RLN1: variants seen among roughly 807,000 people sequenced by gnomAD.
RLN1 encodes relaxin 1, also known as prorelaxin H1.
RLN1 carries 4 observed loss-of-function variants against 7.2 expected under a neutral mutation model. The observed-to-expected ratio is 0.56, with a 90% confidence interval of 0.28 to 1.28. The LOEUF (loss-of-function observed/expected upper bound fraction) is 1.28, where lower values mean the gene tolerates loss of function less well. Among genes scored for constraint, RLN1 ranks in the 50% most tolerant of loss-of-function variants. The pLI, the probability that RLN1 is intolerant of heterozygous loss-of-function variation, is 0.11. For missense variants in RLN1, 293 were observed against 221.1 expected (o/e 1.32, Z -2.06); for synonymous variants, 105 against 86.0 (o/e 1.22, Z -1.22).
chr9:5,335,595 T>C lies in RLN1; in HGVS notation c.214A>G (p.Ile72Val). ...TCTTTGTTGATGAAGGATGGTACAATTTCTGTTAAGTTTAAAAAAAAAGTG... is the reference window on the plus strand; with the variant it reads ...TCTTTGTTGATGAAGGATGGTACAACTTCTGTTAAGTTTAAAAAAAAAGTG... ...APQTPRPVAE[I>V]VPSFINKDTE... Residue 72 changes from isoleucine to valine, a missense_variant and splice_region_variant, in exon 2 of 2, where the codon ATT becomes GTT. Physicochemically the swap from Ile to Val is conservative, Grantham distance 29. Transcript: ENST00000223862. 6.3e-7 allele frequency: 1 copy of C among 1,592,480 alleles called. No individual in the cohort carries two copies. Among genetic ancestry groups the C allele is most frequent in the Non-Finnish European group, 8.6e-7 (1 of 1,166,038 alleles).
intron 1 of RLN1, among the ~76,000 whole-genome samples, chr9:5,336,753 T>C (rs1816902584): frequency 6.6e-6 from 1 of 151,904 alleles, no homozygotes; most frequent in South Asian, 2.1e-4. Flanking sequence ...AACTATCCAA[T>C]ACCAAGGCAT....
upstream of RLN1, among the ~76,000 whole-genome samples, chr9:5,340,498 G>A (rs772492931): frequency 6.6e-6 from 1 of 152,018 alleles, no homozygotes; most frequent in Non-Finnish European, 1.5e-5. Context: ...TATGTCTCTG[G>A]AGACTGGAGA....
At chr9:5,336,893 T>C (rs181233922) in intron 1 of RLN1, among the ~76,000 whole-genome samples, 2 of 152,128 alleles carry the variant, frequency 1.3e-5, no homozygotes, top group East Asian at 3.9e-4. Context: ...GCGGTAGTTC[T>C]GGGGCTGATC....
rs770445540 is a variant in RLN1 at position 5,339,523 on chromosome 9, C to T, written c.211+13G>A. 3 of 1,534,490 alleles carry T rather than the reference C, an allele frequency of 2.0e-6. No homozygotes were observed. Among genetic ancestry groups the T allele is most frequent in the East Asian group, 2.4e-5 (1 of 42,180 alleles). ...GAAGCGCGGGAAGGCCGGGAGGGGG[C>T]GGGAGCTCTCACCTGCCACTGGTCT... On this transcript the variant is annotated intron_variant, in intron 1 of 1. Coordinates refer to ENST00000223862, the MANE Select transcript of RLN1 (RefSeq NM_006911.4).
At position 5,339,758 on chromosome 9, in the gene RLN1, T is replaced by C. The variant is rs748011986; in HGVS notation, c.-12A>G. On this transcript the variant is annotated 5_prime_UTR_variant, in exon 1 of 2. Coordinates refer to ENST00000223862, the MANE Select transcript of RLN1 (RefSeq NM_006911.4). ...AACAGGCGAGGCATCCTGGGCCTGG[T>C]CTCTCCTGGAGGTCTGGGTGTTGCA... is the stretch of plus-strand genomic sequence containing the variant. 1 of 1,613,514 alleles carries C rather than the reference T, an allele frequency of 6.2e-7. No individual in the cohort carries two copies. The highest frequency in any genetic ancestry group is 8.5e-7 in the Non-Finnish European group (1 of 1,179,870).
upstream of RLN1, among the ~76,000 whole-genome samples, chr9:5,340,192 A>G (rs1195292053): frequency 1.3e-5 from 2 of 152,188 alleles, no homozygotes; most frequent in African/African-American, 4.8e-5. Flanking sequence ...AAACCCTTCT[A>G]ACCTAAATAG....
At position 5,335,471 on chromosome 9, in the gene RLN1, T is replaced by C. The variant is rs763648751; in HGVS notation, c.338A>G (p.Gln113Arg). Residue 113 changes from glutamine (Q) to arginine (R), a missense_variant, in exon 2 of 2, where the codon CAG (glutamine) becomes CGG (arginine). Physicochemically the swap from Gln to Arg is conservative, Grantham distance 43. Coordinates refer to ENST00000223862, the MANE Select transcript of RLN1 (RefSeq NM_006911.4). Reference sequence around the variant, plus strand: ...ATCCTTTAATGCAGGTACATACTGCTGTAGCTCTGGTAATGATGGTTGCCT... The same window carrying C: ...ATCCTTTAATGCAGGTACATACTGCCGTAGCTCTGGTAATGATGGTTGCCT... ...SERQPSLPEL[Q>R]QYVPALKDSN... 1.9e-6 allele frequency: 3 copies of C among 1,613,544 alleles called. No individual in the cohort carries two copies. In the East Asian group the frequency reaches 6.7e-5, roughly 36 times the overall value.
chr9:5,336,287 T>C lies in RLN1; in HGVS notation c.212-690A>G, dbSNP rs1025444908. Among the ~76,000 whole-genome samples, 10 of 152,042 alleles carry C rather than the reference T, an allele frequency of 6.6e-5. 1 individual carries two copies. The highest frequency in any genetic ancestry group is 2.4e-4 in the African/African-American group (10 of 41,370). On this transcript the variant is annotated intron_variant, in intron 1 of 1. Coordinates refer to ENST00000223862, the MANE Select transcript of RLN1 (RefSeq NM_006911.4). Reference sequence around the variant, plus strand: ...CAAAAATCACTGATTTAAGAAGAGATTCATATGTGCTGTGGTGTAAGTGTA... The same window carrying C: ...CAAAAATCACTGATTTAAGAAGAGACTCATATGTGCTGTGGTGTAAGTGTA...
intron 1 of RLN1, among the ~76,000 whole-genome samples, chr9:5,335,920 T>C (rs763321125): frequency 1.3e-5 from 2 of 152,070 alleles, no homozygotes; most frequent in Non-Finnish European, 2.9e-5. Context: ...ATGTAAGTCA[T>C]TGGAAACAGT....
intron 1 of RLN1, among the ~76,000 whole-genome samples, chr9:5,337,546 G>C (rs1280766637): frequency 6.6e-6 from 1 of 151,866 alleles, no homozygotes; most frequent in East Asian, 1.9e-4. Context: ...ATATTACTTT[G>C]GCACACATTG....
upstream of RLN1, among the ~76,000 whole-genome samples, chr9:5,340,432 T>C (rs1280959119): frequency 2.0e-5 from 3 of 152,300 alleles, no homozygotes; most frequent in Non-Finnish European, 4.4e-5. Context: ...TCCACTCCTG[T>C]GGGAGAAGTT....
At chr9:5,339,448 A>G (rs1285265419) in intron 1 of RLN1, 88 bp downstream of exon 1, 22 of 838,582 alleles carry the variant, frequency 2.6e-5, no homozygotes, top group African/African-American at 4.4e-5. Context: ...CTCGAGTCGG[A>G]CGTGCAGGCC....
chr9:5,340,742 C>G (rs1455068960), upstream of RLN1, among the ~76,000 whole-genome samples: 1 of 152,094 alleles, frequency 6.6e-6, no homozygotes, highest in Admixed American at 6.6e-5. Flanking sequence ...CCACACAGTT[C>G]TAGATAATAT....
At position 5,339,848 on chromosome 9, in the gene RLN1, G is replaced by A. The variant is rs2131037189; in HGVS notation, c.-102C>T. 8.0e-7 allele frequency: 1 copy of A among 1,242,354 alleles called. No homozygotes were observed. Among genetic ancestry groups the A allele is most frequent in the Non-Finnish European group, 1.2e-6 (1 of 864,924 alleles). The allele number at this position is 1,242,354 out of a possible 1,614,324, so 77.0% of individuals were successfully genotyped here. A position where few individuals can be genotyped will look rare whatever the true frequency, so the allele number is the denominator to read the frequency against. On this transcript the variant is annotated 5_prime_UTR_variant, in exon 1 of 2. Transcript: ENST00000223862. The stretch of plus-strand genomic sequence containing the variant: ...GCCTGTGTGCCTGTCCCGGGCTTTA[G>A]GCTGCTTTCCCTACCCGGCTCAACC...
In RLN1 at chr9:5,335,270, G is replaced by C; in HGVS notation, c.539C>G (p.Ser180Cys). ...KCCLIGCTKR[S>C]LAKYC Reference sequence around the variant, plus strand: ...TTCATCTCAGCAATATTTAGCAAGAGACCTTTTGGTACAACCAATTAGGCA... The same window carrying C: ...TTCATCTCAGCAATATTTAGCAAGACACCTTTTGGTACAACCAATTAGGCA... The change falls in exon 2 of 2, where the codon TCT becomes TGT. Residue 180 changes from serine to cysteine, a missense_variant. By Grantham distance (112) the Ser-to-Cys change is moderately radical. Transcript: ENST00000223862. 6.3e-7 allele frequency: 1 copy of C among 1,591,332 alleles called. No individual in the cohort carries two copies. The highest frequency in any genetic ancestry group is 8.5e-7 in the Non-Finnish European group (1 of 1,172,220).
At position 5,335,455 on chromosome 9, in the gene RLN1, T is replaced by G; in HGVS notation, c.354A>C (p.Ala118=). The change falls in exon 2 of 2, where the codon GCA becomes GCC. Residue 118 remains alanine, a synonymous_variant. Transcript: ENST00000223862. ...CAAAGCTAAGATTGGAATCCTTTAA[T>G]GCAGGTACATACTGCTGTAGCTCTG... ...SLPELQQYVP[A]LKDSNLSFEE... is the part of the protein sequence containing the mutation. 6.2e-7 allele frequency: 1 copy of G among 1,613,778 alleles called. No individual in the cohort carries two copies. The highest frequency in any genetic ancestry group is 8.5e-7 in the Non-Finnish European group (1 of 1,179,794).
At chr9:5,336,252 G>A (rs566109182) in intron 1 of RLN1, among the ~76,000 whole-genome samples, 1 of 152,156 alleles carries the variant, frequency 6.6e-6, no homozygotes, top group African/African-American at 2.4e-5. Context: ...TGGGTTAAAA[G>A]ATCACTAACC....
At chr9:5,335,947 G>A (rs760243847) in intron 1 of RLN1, among the ~76,000 whole-genome samples, 1 of 152,000 alleles carries the variant, frequency 6.6e-6, no homozygotes, top group Non-Finnish European at 1.5e-5. Context: ...ACACATAGTG[G>A]TCATTTTCTT....
chr9:5,335,815 T>C (rs558274622), intron 1 of RLN1, among the ~76,000 whole-genome samples: 3 of 152,142 alleles, frequency 2.0e-5, no homozygotes, highest in African/African-American at 4.8e-5. Context: ...CTTTACCCCA[T>C]TGGTCCTCTC....
Sources: allele counts gnomAD v4.1 joint callset (sites outside exome capture counted in the v4.1 genomes callset), GRCh38; gene constraint gnomAD v4.1.1; transcripts MANE v1.5; gene names NCBI Gene and HGNC (gene_info 2026-07-23, HGNC 2026-07-21).